Variants in AFG2A observed in about 807,000 individuals in gnomAD.
AFG2A encodes AAA ATPase AFG2A, also known as ATPase family gene 2 protein homolog A.
At chr4:123,005,465 GGTTTTCT>G in the AFG2A span, among the ~76,000 whole-genome samples, 1 of 151,770 alleles carries the variant, frequency 6.6e-6, no homozygotes, top group Non-Finnish European at 1.5e-5. Context: ...TTGTTTTATT[GGTTTTCT>G]GTTTTCTATT....
the AFG2A span, chr4:123,090,551 AT>A: frequency 6.2e-7 from 1 of 1,612,504 alleles, no homozygotes; most frequent in Non-Finnish European, 8.5e-7. Flanking sequence ...AAGTAAAGAT[AT>A]TTTTTAAACC....
chr4:122,977,921 A>G, the AFG2A span, among the ~76,000 whole-genome samples: 2 of 152,044 alleles, frequency 1.3e-5, no homozygotes, highest in African/African-American at 4.8e-5. Flanking sequence ...ACAAATGTCT[A>G]GCTTTCCGCA....
chr4:123,189,669 CTCTT>C, the AFG2A span, among the ~76,000 whole-genome samples: 1 of 152,100 alleles, frequency 6.6e-6, no homozygotes, highest in African/African-American at 2.4e-5. Flanking sequence ...TTTGACTGCT[CTCTT>C]TGAGTATTGC....
the AFG2A span, among the ~76,000 whole-genome samples, chr4:123,206,816 A>G: frequency 6.6e-6 from 1 of 151,998 alleles, no homozygotes; most frequent in Non-Finnish European, 1.5e-5. Context: ...GTTACCTTTC[A>G]CTGTGTTTTT....
chr4:123,102,655 G>A, the AFG2A span, among the ~76,000 whole-genome samples: 18 of 151,922 alleles, frequency 1.2e-4, no homozygotes, highest in African/African-American at 3.9e-4. Context: ...GTTTGAGAAC[G>A]AATGTTCAGT....
chr4:123,316,833 G>A, the AFG2A span: 1 of 152,180 alleles, frequency 6.6e-6, no homozygotes, highest in Non-Finnish European at 1.5e-5. Context: ...CTCAGCACAA[G>A]GGTAGACAAG....
At chr4:123,291,265 C>T in the AFG2A span, among the ~76,000 whole-genome samples, 1 of 152,048 alleles carries the variant, frequency 6.6e-6, no homozygotes, top group Non-Finnish European at 1.5e-5. Flanking sequence ...TTATCCATTC[C>T]ACCAGTCAGT....
the AFG2A span, among the ~76,000 whole-genome samples, chr4:123,140,983 G>T: frequency 6.6e-6 from 1 of 151,982 alleles, no homozygotes; most frequent in African/African-American, 2.4e-5. Context: ...ATTCTGTCCT[G>T]GTGAGATGAC....
At chr4:122,997,664 G>A in the AFG2A span, among the ~76,000 whole-genome samples, 1 of 152,088 alleles carries the variant, frequency 6.6e-6, no homozygotes, top group Non-Finnish European at 1.5e-5. Context: ...TCTGGAAGTG[G>A]AATTGCTGAG....
chr4:123,045,145 TC>T, the AFG2A span, among the ~76,000 whole-genome samples: 1 of 151,168 alleles, frequency 6.6e-6, no homozygotes, highest in African/African-American at 2.4e-5. Flanking sequence ...GAACTTTTTT[TC>T]TCCAATGTTT....
At chr4:123,137,489 A>G in the AFG2A span, among the ~76,000 whole-genome samples, 1 of 152,200 alleles carries the variant, frequency 6.6e-6, no homozygotes, top group African/African-American at 2.4e-5. Context: ...GTATTCTGAC[A>G]TCTAACTTCC....
chr4:123,099,871 C>T, the AFG2A span, among the ~76,000 whole-genome samples: 3 of 151,580 alleles, frequency 2.0e-5, no homozygotes, highest in Admixed American at 2.0e-4. Flanking sequence ...GAGTTGTATG[C>T]CCTTTTTAGT....
the AFG2A span, among the ~76,000 whole-genome samples, chr4:123,196,663 A>T: frequency 6.6e-6 from 1 of 152,130 alleles, no homozygotes; most frequent in Admixed American, 6.5e-5. Context: ...ATCAGATGCA[A>T]CTAGGTATAG....
chr4:123,139,256 G>GT, the AFG2A span, among the ~76,000 whole-genome samples: 1 of 152,038 alleles, frequency 6.6e-6, no homozygotes, highest in Non-Finnish European at 1.5e-5. Flanking sequence ...AGCAATCACT[G>GT]TCTTGTTCTT....
At chr4:123,164,530 A>AT in the AFG2A span, among the ~76,000 whole-genome samples, 1 of 151,862 alleles carries the variant, frequency 6.6e-6, no homozygotes, top group Non-Finnish European at 1.5e-5. Flanking sequence ...CGCCCAGCTA[A>AT]TTTTTTATTT....
chr4:123,126,602 TGTTCTCATGATAGTCAGTGA>T, the AFG2A span, among the ~76,000 whole-genome samples: 2 of 152,316 alleles, frequency 1.3e-5, no homozygotes, highest in African/African-American at 4.8e-5. Context: ...ACCTCCGTGC[TGTTCTCATGATAGTCAGTGA>T]GTTCTCATGA....
the AFG2A span, among the ~76,000 whole-genome samples, chr4:122,951,527 C>A: frequency 6.6e-6 from 1 of 151,934 alleles, no homozygotes; most frequent in Admixed American, 6.6e-5. Context: ...ATTGATATAT[C>A]GTGCTGTGGA....
At chr4:123,063,087 G>T in the AFG2A span, among the ~76,000 whole-genome samples, 65,933 of 151,934 alleles carry the variant, frequency 0.43, 17,319 homozygotes, top group Non-Finnish European at 0.58. Flanking sequence ...TGATGGATCA[G>T]TATTGCCTAT....
At chr4:123,088,725 C>T in the AFG2A span, among the ~76,000 whole-genome samples, 1 of 152,244 alleles carries the variant, frequency 6.6e-6, no homozygotes, top group South Asian at 2.1e-4. Context: ...TGCTCTCTCT[C>T]TCTCTCCTCC....
Sources: allele counts gnomAD v4.1 joint callset (sites outside exome capture counted in the v4.1 genomes callset), GRCh38; gene constraint gnomAD v4.1.1; transcripts MANE v1.5; gene names NCBI Gene and HGNC (gene_info 2026-07-23, HGNC 2026-07-21).